Variants in ERBB4 observed in about 807,000 individuals in gnomAD.
ERBB4 encodes the protein erb-b2 receptor tyrosine kinase 4.
Under a neutral mutation model 158.0 loss-of-function variants are expected in ERBB4, and 42 were observed. The ratio of observed to expected loss-of-function variants is 0.27; its 90% CI spans 0.21 to 0.34. ERBB4 has a LOEUF of 0.34. ERBB4 is among the 10% of genes least tolerant of loss of function. The pLI, the probability that ERBB4 is intolerant of heterozygous loss-of-function variation, is 1.00. For missense variants in ERBB4, 1,333 were observed against 1,624.1 expected (o/e 0.82, Z 3.08); for synonymous variants, 583 against 558.7 (o/e 1.04, Z -0.61).
intron 1 of ERBB4, among the ~76,000 whole-genome samples, chr2:212,191,990 T>TAA (rs1553588932): frequency 1.2e-4 from 13 of 110,988 alleles, no homozygotes; most frequent in African/African-American, 3.3e-4. Flanking sequence ...ATGTTATATG[T>TAA]TATATATGTT....
At chr2:212,494,453 T>TA (rs1176392623) in intron 1 of ERBB4, among the ~76,000 whole-genome samples, 1 of 151,850 alleles carries the variant, frequency 6.6e-6, no homozygotes, top group Non-Finnish European at 1.5e-5. Context: ...TTTCTTACCA[T>TA]AAAAAAATGA....
chr2:212,371,744 C>G (rs748577150), intron 1 of ERBB4, among the ~76,000 whole-genome samples: 3 of 152,028 alleles, frequency 2.0e-5, no homozygotes, highest in Non-Finnish European at 2.9e-5. Context: ...GATGAGGAAC[C>G]TGAGGATCAG....
chr2:211,483,499 G>A (rs1395456063), intron 20 of ERBB4, among the ~76,000 whole-genome samples: 1 of 151,944 alleles, frequency 6.6e-6, no homozygotes, highest in Non-Finnish European at 1.5e-5. Context: ...AGATACATAA[G>A]AGTGACAGCA....
chr2:211,718,736 A>AAAAC (rs1169993859), intron 7 of ERBB4, among the ~76,000 whole-genome samples: 1 of 152,208 alleles, frequency 6.6e-6, no homozygotes. Context: ...CTAAAAAAAA[A>AAAAC]AAACATGGTA....
intron 2 of ERBB4, among the ~76,000 whole-genome samples, chr2:212,103,476 T>C (rs2079140282): frequency 6.6e-6 from 1 of 152,154 alleles, no homozygotes; most frequent in Non-Finnish European, 1.5e-5. Flanking sequence ...AAAAAAGTAT[T>C]AATTTGATAT....
intron 1 of ERBB4, among the ~76,000 whole-genome samples, chr2:212,505,098 T>G (rs550364529): frequency 4.0e-4 from 61 of 152,180 alleles, no homozygotes; most frequent in Non-Finnish European, 8.1e-4. Context: ...CTTTTGTTTG[T>G]TTGGTTGGTT....
intron 3 of ERBB4, among the ~76,000 whole-genome samples, chr2:211,901,935 T>C (rs1020833181): frequency 6.6e-6 from 1 of 152,166 alleles, no homozygotes; most frequent in Non-Finnish European, 1.5e-5. Context: ...AGGTATAGAT[T>C]CTTGGGTGGC....
chr2:212,535,925 T>C (rs1693031289), intron 1 of ERBB4, among the ~76,000 whole-genome samples: 1 of 152,224 alleles, frequency 6.6e-6, no homozygotes, highest in African/African-American at 2.4e-5. Flanking sequence ...TCCTTCTGCT[T>C]AAGAAATTAG....
intron 19 of ERBB4, among the ~76,000 whole-genome samples, chr2:211,602,940 T>C (rs2068844152): frequency 6.6e-6 from 1 of 152,002 alleles, no homozygotes; most frequent in African/African-American, 2.4e-5. Context: ...TAAGAAAGGA[T>C]TTCTCTGTCC....
At chr2:211,795,361 G>A (rs947080129) in intron 3 of ERBB4, among the ~76,000 whole-genome samples, 1 of 151,714 alleles carries the variant, frequency 6.6e-6, no homozygotes. Flanking sequence ...TGTACTCACG[G>A]TATCTGTCGC....
At chr2:211,490,720 T>C (rs2065319763) in intron 20 of ERBB4, among the ~76,000 whole-genome samples, 1 of 152,016 alleles carries the variant, frequency 6.6e-6, no homozygotes, top group African/African-American at 2.4e-5. Flanking sequence ...GTTACGAAAG[T>C]GTGCTGTAGA....
In ERBB4 at chr2:211,386,885, T is replaced by C. The variant is rs1187421880; in HGVS notation, c.3449A>G (p.Tyr1150Cys). ...GGGTTTGTCTCGCATAGGAGTCATG[T>C]AACCTTCCTCATCCAGCTCTCCTCG... is the stretch of plus-strand genomic sequence containing the variant. Reference protein sequence around the residue: ...SPRGELDEEGYMTPMRDKPKQ... With the variant: ...SPRGELDEEGCMTPMRDKPKQ... Residue 1150 changes from tyrosine to cysteine, a missense_variant, in exon 27 of 28, where the codon TAC (tyrosine) becomes TGC (cysteine). Physicochemically the swap from Tyr to Cys is radical, Grantham distance 194. Around this residue, in one of 5 missense-constraint regions of ERBB4, gnomAD observed 252 missense variants for 241.3 expected, o/e 1.04. Transcript: ENST00000342788. 1 of 1,614,244 alleles carries C rather than the reference T, an allele frequency of 6.2e-7. No individual in the cohort carries two copies. Among genetic ancestry groups the C allele is most frequent in the Non-Finnish European group, 8.5e-7 (1 of 1,180,040 alleles).
chr2:211,387,275 T>C lies in ERBB4; in HGVS notation c.3184-125A>G. 5.9e-6 allele frequency: 5 copies of C among 850,390 alleles called. No homozygotes were observed. The Admixed American group carries it at 9.7e-5, about 16-fold the overall frequency. The allele number at this position is 850,390 out of a possible 1,614,324, so 52.7% of individuals were successfully genotyped here. A position where few individuals can be genotyped will look rare whatever the true frequency, so the allele number is the denominator to read the frequency against. Reference sequence around the variant, plus strand: ...GAATAGTCATAGTATTTACTGGTTTTTTTTCCCCTAGTGGCTAATGGAGTT... The same window carrying C: ...GAATAGTCATAGTATTTACTGGTTTCTTTTCCCCTAGTGGCTAATGGAGTT... On this transcript the variant is annotated intron_variant, in intron 26 of 27. Coordinates refer to ENST00000342788, the MANE Select transcript of ERBB4 (RefSeq NM_005235.3).
intron 16 of ERBB4, among the ~76,000 whole-genome samples, chr2:211,644,224 T>C (rs1006366478): frequency 6.6e-6 from 1 of 152,030 alleles, no homozygotes; most frequent in Non-Finnish European, 1.5e-5. Context: ...GTTTTTATAT[T>C]CTAAGAGGAG....
At chr2:212,291,829 A>C (rs2086218166) in intron 1 of ERBB4, among the ~76,000 whole-genome samples, 1 of 152,040 alleles carries the variant, frequency 6.6e-6, no homozygotes, top group Non-Finnish European at 1.5e-5. Context: ...AACATCTTAA[A>C]TGTTGCAGGA....
chr2:212,235,129 A>G (rs752271812), intron 1 of ERBB4, among the ~76,000 whole-genome samples: 4 of 152,114 alleles, frequency 2.6e-5, no homozygotes, highest in South Asian at 2.1e-4. Flanking sequence ...TAAGTCGTTA[A>G]TCCATCTTGA....
intron 3 of ERBB4, among the ~76,000 whole-genome samples, chr2:211,827,568 T>G (rs1344142391): frequency 6.6e-6 from 1 of 152,032 alleles, no homozygotes; most frequent in Non-Finnish European, 1.5e-5. Context: ...AAGTGGTTTT[T>G]TTTTCAATCT....
At chr2:212,371,677 T>C (rs2090091117) in intron 1 of ERBB4, among the ~76,000 whole-genome samples, 1 of 152,174 alleles carries the variant, frequency 6.6e-6, no homozygotes, top group Non-Finnish European at 1.5e-5. Context: ...ATATACATCA[T>C]CTCTTTTGTT....
chr2:211,870,362 T>C (rs752572019), intron 3 of ERBB4, among the ~76,000 whole-genome samples: 1 of 152,152 alleles, frequency 6.6e-6, no homozygotes. Flanking sequence ...TGGAATTGTA[T>C]TGAAATATAC....
Sources: gnomAD v4.1 joint callset for allele counts (sites outside exome capture counted in the v4.1 genomes callset) on GRCh38, gnomAD v4.1.1 for gene constraint, gnomAD v4.1.1 regional missense constraint, MANE v1.5 for transcripts, NCBI Gene and HGNC (gene_info 2026-07-23, HGNC 2026-07-21) for gene names.